Variants in ENPP1 observed in about 807,000 individuals in gnomAD.
ENPP1 encodes ectonucleotide pyrophosphatase/phosphodiesterase family member 1.
In ENPP1, 73 loss-of-function variants were observed where a neutral mutation model predicts 122.8. That is an observed-to-expected ratio of 0.59 (90% CI 0.49 to 0.72). The LOEUF is 0.72. ENPP1 is among the 30% of genes least tolerant of loss of function. The pLI is 0.00. For missense variants in ENPP1, 978 were observed against 1,128.1 expected, an observed-to-expected ratio of 0.87 and a Z score of 1.91; for synonymous variants, 367 against 391.6, an observed-to-expected ratio of 0.94 and a Z score of 0.74.
chr6:131,854,718 G>A (rs990427327), intron 5 of ENPP1, among the ~76,000 whole-genome samples: 4 of 152,054 alleles, frequency 2.6e-5, no homozygotes, highest in East Asian at 1.9e-4. Flanking sequence ...TATGTATTAC[G>A]AAATGATAGA....
rs764746867 is a variant in ENPP1, at chr6:131,875,808, G to A, written c.1668G>A (p.Lys556=). 3.1e-6 allele frequency: 5 copies of A among 1,614,092 alleles called. No homozygotes were observed. Among genetic ancestry groups the A allele is most frequent in the East Asian group, 4.5e-5 (2 of 44,878 alleles). Residue 556 remains lysine (K), a synonymous_variant, in exon 17 of 25, where the codon AAG becomes AAA. Coordinates refer to ENST00000647893, the MANE Select transcript of ENPP1 (RefSeq NM_006208.3). The stretch of plus-strand genomic sequence containing the variant: ...TTGTTGGCTATGGACCTGGATTCAA[G>A]CATGGCATTGAGGCTGACACCTTTG... ...ALFVGYGPGF[K]HGIEADTFEN...
At chr6:131,820,152 A>G (rs976923608) in intron 1 of ENPP1, 6 of 313,982 alleles carry the variant, frequency 1.9e-5, no homozygotes, top group Non-Finnish European at 3.0e-5. Context: ...CTACTTTTAG[A>G]ATTTTGGTGT....
At chr6:131,808,387 G>A (rs1007909721) in intron 1 of ENPP1, 112 bp downstream of exon 1, 1 of 1,273,538 alleles carries the variant, frequency 7.9e-7, no homozygotes, top group African/African-American at 1.6e-5. Context: ...GAGAGGCATG[G>A]TCCGGGAGTG....
chr6:131,840,982 G>A (rs190607476), intron 1 of ENPP1, among the ~76,000 whole-genome samples: 1 of 152,120 alleles, frequency 6.6e-6, no homozygotes, highest in Non-Finnish European at 1.5e-5. Flanking sequence ...ATTTTCATGT[G>A]ACTAGTTATG....
At position 131,883,736 on chromosome 6, in the gene ENPP1, T is replaced by G; in HGVS notation, c.2273T>G (p.Leu758Arg). Residue 758 changes from leucine to arginine, a missense_variant, in exon 22 of 25, where the codon CTT (leucine) becomes CGT (arginine). Transcript: ENST00000647893. ...AGTGGAATATATTCTGAAGCTTTGC[T>G]TACTACAAATATAGTGCCAATGTAC... Reference protein sequence around the residue: ...NSSGIYSEALLTTNIVPMYQS... With the variant: ...NSSGIYSEALRTTNIVPMYQS... 2 of 1,530,960 alleles carry G rather than the reference T, an allele frequency of 1.3e-6. No individual in the cohort carries two copies. Among genetic ancestry groups the G allele is most frequent in the Non-Finnish European group, 1.8e-6 (2 of 1,104,972 alleles). 94.8% of individuals were successfully genotyped at this position (1,530,960 alleles called of 1,614,324 possible).
chr6:131,880,259 C>T (rs1339192180), intron 20 of ENPP1, among the ~76,000 whole-genome samples: 1 of 152,160 alleles, frequency 6.6e-6, no homozygotes, highest in Non-Finnish European at 1.5e-5. Flanking sequence ...AAATGAGGGT[C>T]GTGCAGTAAA....
At position 131,890,567 on chromosome 6, in the gene ENPP1, A is replaced by G; in HGVS notation, c.*56A>G. The G allele has an allele frequency of 7.2e-7, 1 of 1,392,956 alleles. No individual in the cohort carries two copies. Among genetic ancestry groups the G allele is most frequent in the Non-Finnish European group, 1.0e-6 (1 of 979,302 alleles). 86.3% of individuals were successfully genotyped at this position (1,392,956 alleles called of 1,614,324 possible). ...TTTTTGAGAGAACCTTATATTTTAT[A>G]TAGTCCTCTAGCTACACTATTGCAT... On this transcript the variant is annotated 3_prime_UTR_variant, in exon 25 of 25. Coordinates refer to ENST00000647893, the MANE Select transcript of ENPP1 (RefSeq NM_006208.3).
chr6:131,825,909 A>T (rs1781541575), intron 1 of ENPP1: 1 of 336,280 alleles, frequency 3.0e-6, no homozygotes, highest in East Asian at 5.0e-5. Flanking sequence ...AACTTAGAAA[A>T]TTTTACTTCT....
chr6:131,835,027 A>T (rs1025091755), intron 1 of ENPP1, among the ~76,000 whole-genome samples: 1 of 152,248 alleles, frequency 6.6e-6, no homozygotes, highest in Non-Finnish European at 1.5e-5. Flanking sequence ...AAAGGGACAT[A>T]AATAATGTAA....
intron 9 of ENPP1, among the ~76,000 whole-genome samples, chr6:131,863,802 G>A (rs1054199882): frequency 1.3e-5 from 2 of 151,626 alleles, no homozygotes; most frequent in African/African-American, 4.8e-5. Context: ...TGTAGTCCCA[G>A]CTACTCGGGA....
chr6:131,850,505 G>C (rs1361804601), intron 3 of ENPP1, among the ~76,000 whole-genome samples: 1 of 152,144 alleles, frequency 6.6e-6, no homozygotes, highest in African/African-American at 2.4e-5. Context: ...TTCTTAGTTA[G>C]ATTTGGAATT....
In ENPP1 at chr6:131,890,666, C is replaced by G; in HGVS notation, c.*155C>G. 1.5e-6 allele frequency: 1 copy of G among 682,630 alleles called. No individual in the cohort carries two copies. Among genetic ancestry groups the G allele is most frequent in the Non-Finnish European group, 2.6e-6 (1 of 381,714 alleles). 42.3% of individuals were successfully genotyped at this position (682,630 alleles called of 1,614,324 possible). ...GACATCTCAGGGAAACTTGCGTACT[C>G]AGCACAGCAGTGGAGAGTGTTCCTG... is the stretch of plus-strand genomic sequence containing the variant. On this transcript the variant is annotated 3_prime_UTR_variant, in exon 25 of 25. Transcript: ENST00000647893.
At chr6:131,828,309 G>T in intron 1 of ENPP1, 1 of 513,336 alleles carries the variant, frequency 1.9e-6, no homozygotes, top group South Asian at 1.6e-5. Flanking sequence ...ATGTCCACAT[G>T]ATCAGCATGA....
At chr6:131,851,309 A>G in intron 4 of ENPP1, 42 bp downstream of exon 4, 1 of 1,613,572 alleles carries the variant, frequency 6.2e-7, no homozygotes, top group Admixed American at 1.7e-5. Context: ...GGTATCTTCC[A>G]GCGTCTTAGC....
intron 1 of ENPP1, among the ~76,000 whole-genome samples, chr6:131,815,178 G>A (rs952599211): frequency 1.3e-5 from 2 of 152,152 alleles, no homozygotes; most frequent in Non-Finnish European, 1.5e-5. Context: ...GAAGGCAGAC[G>A]GGGCCTCTGT....
intron 1 of ENPP1, among the ~76,000 whole-genome samples, chr6:131,847,404 G>T (rs1296918553): frequency 6.6e-6 from 1 of 152,252 alleles, no homozygotes; most frequent in Middle Eastern, 3.4e-3. Context: ...ATACAGAAAT[G>T]TATACAAATC....
chr6:131,855,779 A>T (rs1442696248), intron 6 of ENPP1, among the ~76,000 whole-genome samples: 1 of 150,448 alleles, frequency 6.6e-6, no homozygotes, highest in Non-Finnish European at 1.5e-5. Flanking sequence ...TTTAAATCCC[A>T]ATCAGGCCTT....
At position 131,874,251 on chromosome 6, in the gene ENPP1, A is replaced by G. The variant is rs1368554803; in HGVS notation, c.1566-17A>G. 4 of 1,409,682 alleles carry G rather than the reference A, an allele frequency of 2.8e-6. No individual in the cohort carries two copies. Among genetic ancestry groups the G allele is most frequent in the Non-Finnish European group, 1.0e-6 (1 of 995,646 alleles). The allele number at this position is 1,409,682 out of a possible 1,614,324, so 87.3% of individuals were successfully genotyped here. A position where few individuals can be genotyped will look rare whatever the true frequency, so the allele number is the denominator to read the frequency against. ...TGAAAGGACTTTACATTTTTAATTC[A>G]TATATGTCAACATTAGGAATCCCTC... On this transcript the variant is annotated splice_polypyrimidine_tract_variant and intron_variant, in intron 15 of 24. Coordinates refer to ENST00000647893, the MANE Select transcript of ENPP1 (RefSeq NM_006208.3).
At chr6:131,842,218 T>A (rs931476123) in intron 1 of ENPP1, among the ~76,000 whole-genome samples, 1 of 152,212 alleles carries the variant, frequency 6.6e-6, no homozygotes, top group Non-Finnish European at 1.5e-5. Context: ...ATAAAACTCT[T>A]AGAAAAGTGC....
Sources: allele counts gnomAD v4.1 joint callset (sites outside exome capture counted in the v4.1 genomes callset), GRCh38; gene constraint gnomAD v4.1.1; transcripts MANE v1.5; gene names NCBI Gene and HGNC (gene_info 2026-07-23, HGNC 2026-07-21).